Variants in ICA1 observed in about 807,000 individuals in gnomAD.
ICA1 encodes 69 kDa islet cell autoantigen.
A neutral mutation model predicts 71.0 loss-of-function variants in ICA1; 40 were observed. That is an observed-to-expected ratio of 0.56 (90% CI 0.44 to 0.73). The LOEUF is 0.73. Among genes scored for constraint, ICA1 ranks in the 30% least tolerant of loss-of-function variants. The probability of loss-of-function intolerance (pLI) is 0.00; values close to 1 mark genes in which losing one functional copy is unlikely to be tolerated. For synonymous variants in ICA1, 207 were observed against 209.5 expected, an observed-to-expected ratio of 0.99 and a Z score of 0.10; for missense variants, 578 against 576.5, an observed-to-expected ratio of 1.00 and a Z score of -0.03.
intron 6 of ICA1, among the ~76,000 whole-genome samples, chr7:8,176,225 T>C (rs28497142): frequency 0.044 from 6,640 of 152,296 alleles, 467 homozygotes; most frequent in African/African-American, 0.15. Context: ...AGGCACCTTA[T>C]CCTTCATGCA....
rs933766733 is a variant in ICA1 at position 8,113,738 on chromosome 7, A to T, written c.*185T>A. ...ATTATTTAGATCCACATAGAGATAC[A>T]CGAAAACCCTTTATACCAAATAAGA... On this transcript the variant is annotated 3_prime_UTR_variant, in exon 14 of 14. Transcript: ENST00000402384. The surrounding 1 kb of genome is among the most constrained non-coding windows in gnomAD (Gnocchi z 4.2). The T allele has an allele frequency of 4.9e-6, 3 of 608,150 alleles. No homozygotes were observed. In the Admixed American group the frequency reaches 9.1e-5, roughly 18 times the overall value. The allele number at this position is 608,150 out of a possible 1,614,324, so 37.7% of individuals were successfully genotyped here.
intron 3 of ICA1, among the ~76,000 whole-genome samples, chr7:8,230,472 T>C (rs1363995069): frequency 1.3e-5 from 2 of 152,204 alleles, no homozygotes; most frequent in African/African-American, 4.8e-5. Context: ...TCAACATCAG[T>C]ATTAACATTT....
intron 6 of ICA1, among the ~76,000 whole-genome samples, chr7:8,212,012 T>C (rs1386737634): frequency 6.6e-6 from 1 of 152,176 alleles, no homozygotes; most frequent in African/African-American, 2.4e-5. Context: ...CATATATAAA[T>C]AAGAGAAAAA....
chr7:8,174,520 G>A (rs950254840), intron 6 of ICA1, among the ~76,000 whole-genome samples: 4 of 151,992 alleles, frequency 2.6e-5, no homozygotes, highest in African/African-American at 7.2e-5. Context: ...AAAGCTGGGC[G>A]TGGTGGTTCA....
chr7:8,233,846 C>T (rs1215407402), intron 2 of ICA1, among the ~76,000 whole-genome samples: 1 of 152,102 alleles, frequency 6.6e-6, no homozygotes, highest in Admixed American at 6.6e-5. Context: ...TAAACTCTTC[C>T]ATATAAATGC....
At chr7:8,180,616 A>G (rs1781910102) in intron 6 of ICA1, among the ~76,000 whole-genome samples, 1 of 152,122 alleles carries the variant, frequency 6.6e-6, no homozygotes, top group Admixed American at 6.6e-5. Context: ...TCAGTGCATG[A>G]TAGTTCCTGT....
intron 8 of ICA1, among the ~76,000 whole-genome samples, chr7:8,155,181 G>T (rs948769232): frequency 3.3e-5 from 5 of 152,102 alleles, no homozygotes; most frequent in Non-Finnish European, 7.4e-5. Context: ...TACCCTAACA[G>T]ATATATTATT....
At chr7:8,164,303 CAAAAAAAAAAAAAAA>C (rs71014767) in intron 6 of ICA1, among the ~76,000 whole-genome samples, 3 of 83,620 alleles carry the variant, frequency 3.6e-5, no homozygotes, top group Admixed American at 1.6e-4. Flanking sequence ...GACTCCGTCT[CAAAAAAAAAAAAAAA>C]AAAAAAAAAA....
intron 10 of ICA1, among the ~76,000 whole-genome samples, chr7:8,139,260 G>C (rs1794416290): frequency 6.6e-6 from 1 of 152,194 alleles, no homozygotes; most frequent in African/African-American, 2.4e-5. Flanking sequence ...TTGTTTGGCA[G>C]ATAACCTGAA....
chr7:8,139,191 A>T (rs1408930029), intron 10 of ICA1, 144 bp from the exon 11 acceptor site: 1 of 621,652 alleles, frequency 1.6e-6, no homozygotes, highest in Non-Finnish European at 2.8e-6. Context: ...CTCAGATTAC[A>T]CTGGACTCCT....
intron 6 of ICA1, among the ~76,000 whole-genome samples, chr7:8,201,591 A>G (rs1195193358): frequency 6.6e-6 from 1 of 152,208 alleles, no homozygotes; most frequent in African/African-American, 2.4e-5. Context: ...CTTGGCTCCA[A>G]GTAGGGTCAG....
chr7:8,121,592 C>G (rs6974672), intron 13 of ICA1, among the ~76,000 whole-genome samples: 34,800 of 152,050 alleles, frequency 0.23, 4,215 homozygotes, highest in Non-Finnish European at 0.25. Flanking sequence ...ATGATGGTTA[C>G]CAGAGGCTGG....
chr7:8,114,330 T>C (rs1237469392), intron 13 of ICA1, among the ~76,000 whole-genome samples: 1 of 152,068 alleles, frequency 6.6e-6, no homozygotes, highest in Non-Finnish European at 1.5e-5. Flanking sequence ...GAAAAGCTGA[T>C]CAAACCCTCG....
chr7:8,158,375 G>T, intron 7 of ICA1, 152 bp downstream of exon 7: 1 of 851,744 alleles, frequency 1.2e-6, no homozygotes, highest in South Asian at 1.7e-5. Context: ...TAAACGTAGG[G>T]CCCTAGAAGG....
rs775738878 is a variant in ICA1, at chr7:8,234,644, T to C, written c.17+1266A>G. 6.6e-6 allele frequency among the ~76,000 whole-genome samples: 1 copy of C among 152,268 alleles called. No individual in the cohort carries two copies. Among genetic ancestry groups the C allele is most frequent in the Non-Finnish European group, 1.5e-5 (1 of 68,054 alleles). On this transcript the variant is annotated intron_variant, in intron 2 of 13. Transcript: ENST00000402384. The surrounding 1 kb of genome is among the most constrained non-coding windows in gnomAD (Gnocchi z 4.5). Reference sequence around the variant, plus strand: ...CTGATGACTTCCTTAACAATGGTTATCTTTGGAGAGAGAAGTAGGATTATG... The same window carrying C: ...CTGATGACTTCCTTAACAATGGTTACCTTTGGAGAGAGAAGTAGGATTATG...
At chr7:8,187,459 C>T (rs1784259617) in intron 6 of ICA1, among the ~76,000 whole-genome samples, 1 of 152,136 alleles carries the variant, frequency 6.6e-6, no homozygotes, top group Non-Finnish European at 1.5e-5. Flanking sequence ...GGAAGTTGTT[C>T]TGGGTGAGTG....
chr7:8,221,420 G>C, intron 4 of ICA1, 22 bp from the exon 5 acceptor site: 3 of 1,612,204 alleles, frequency 1.9e-6, no homozygotes, highest in Non-Finnish European at 2.5e-6. Context: ...AAGACCAAAA[G>C]GAGCCATGAA....
chr7:8,249,746 C>T (rs1390454177), intron 1 of ICA1, among the ~76,000 whole-genome samples: 2 of 152,224 alleles, frequency 1.3e-5, no homozygotes, highest in Non-Finnish European at 2.9e-5. Context: ...AAAACTTACA[C>T]ATCATGCAAT....
At chr7:8,118,532 T>C (rs1465043658) in intron 13 of ICA1, among the ~76,000 whole-genome samples, 1 of 152,184 alleles carries the variant, frequency 6.6e-6, no homozygotes, top group East Asian at 1.9e-4. Context: ...ATGACCAGTA[T>C]TTGGTGTAAT....
Sources: gnomAD v4.1 joint callset for allele counts (sites outside exome capture counted in the v4.1 genomes callset) on GRCh38, gnomAD v4.1.1 for gene constraint, Gnocchi (gnomAD v3.1) non-coding constraint, MANE v1.5 for transcripts, NCBI Gene and HGNC (gene_info 2026-07-23, HGNC 2026-07-21) for gene names.